NRG3: variants seen among roughly 807,000 people sequenced by gnomAD.
NRG3 encodes the protein pro-neuregulin-3, membrane-bound isoform.
A neutral mutation model predicts 66.9 loss-of-function variants in NRG3; 31 were observed. That is an observed-to-expected ratio of 0.46 (90% CI 0.35 to 0.63). The LOEUF is 0.63. Among genes scored for constraint, NRG3 ranks in the 20% least tolerant of loss-of-function variants. The pLI is 0.00. For missense variants in NRG3, 910 were observed against 878.9 expected, an observed-to-expected ratio of 1.04 and a Z score of -0.45; for synonymous variants, 393 against 359.4, an observed-to-expected ratio of 1.09 and a Z score of -1.06.
intron 2 of NRG3, among the ~76,000 whole-genome samples, chr10:82,494,180 G>A (rs1349491613): frequency 1.3e-5 from 2 of 152,178 alleles, no homozygotes; most frequent in African/African-American, 4.8e-5. Flanking sequence ...AGACAGTGTG[G>A]CGATTCCTCA....
intron 2 of NRG3, among the ~76,000 whole-genome samples, chr10:82,590,160 C>T (rs150405962): frequency 6.6e-6 from 1 of 152,250 alleles, no homozygotes; most frequent in African/African-American, 2.4e-5. Flanking sequence ...GTGAAGGAAA[C>T]CCAACCTCCA....
intron 1 of NRG3, among the ~76,000 whole-genome samples, chr10:82,019,688 T>C (rs372196766): frequency 1.3e-5 from 2 of 152,178 alleles, no homozygotes; most frequent in African/African-American, 4.8e-5. Flanking sequence ...GTCGAGGAAT[T>C]TATCCATTTC....
intron 2 of NRG3, among the ~76,000 whole-genome samples, chr10:82,646,768 G>T (rs545846471): frequency 1.3e-5 from 2 of 152,190 alleles, no homozygotes; most frequent in Non-Finnish European, 2.9e-5. Flanking sequence ...GGGGAGCAGA[G>T]ATCAGACCAT....
chr10:82,279,959 G>A (rs913188758), intron 1 of NRG3, among the ~76,000 whole-genome samples: 2 of 152,130 alleles, frequency 1.3e-5, no homozygotes, highest in Non-Finnish European at 2.9e-5. Flanking sequence ...ATAAATGAGA[G>A]ACCAATGGGA....
chr10:82,346,490 C>T (rs1242605369), intron 1 of NRG3, among the ~76,000 whole-genome samples: 2 of 150,882 alleles, frequency 1.3e-5, no homozygotes, highest in Non-Finnish European at 2.9e-5. Flanking sequence ...AGGATTTTTG[C>T]ATCAATGTTC....
At chr10:82,681,430 TAAA>T (rs1332343230) in intron 2 of NRG3, among the ~76,000 whole-genome samples, 3 of 152,182 alleles carry the variant, frequency 2.0e-5, no homozygotes, top group African/African-American at 7.2e-5. Context: ...TTCATAAAAT[TAAA>T]AAGTGCAGGA....
intron 1 of NRG3, among the ~76,000 whole-genome samples, chr10:82,019,432 C>T (rs867757515): frequency 7.9e-5 from 12 of 152,178 alleles, no homozygotes; most frequent in East Asian, 1.9e-4. Flanking sequence ...GCTTTGGTAT[C>T]AGGATGATGC....
intron 4 of NRG3, among the ~76,000 whole-genome samples, chr10:82,935,777 C>G (rs1232614443): frequency 6.6e-6 from 1 of 151,834 alleles, no homozygotes; most frequent in East Asian, 1.9e-4. Flanking sequence ...GTGCGTGCCA[C>G]CACGCCTGGA....
intron 1 of NRG3, among the ~76,000 whole-genome samples, chr10:82,222,192 AT>A (rs1258433654): frequency 6.6e-6 from 1 of 151,874 alleles, no homozygotes; most frequent in Admixed American, 6.6e-5. Flanking sequence ...TATAAAACAA[AT>A]TTCTTTTGTT....
At chr10:82,753,236 T>C (rs993255367) in intron 3 of NRG3, among the ~76,000 whole-genome samples, 6 of 152,176 alleles carry the variant, frequency 3.9e-5, no homozygotes, top group Admixed American at 2.0e-4. Context: ...TTTAATTCTT[T>C]TTATGATGAG....
chr10:82,027,927 G>T (rs1226680262), intron 1 of NRG3, among the ~76,000 whole-genome samples: 3 of 152,052 alleles, frequency 2.0e-5, no homozygotes, highest in African/African-American at 7.2e-5. Flanking sequence ...CTCAGATCCG[G>T]GTTGTGCAAG....
chr10:82,157,160 A>G (rs1325121014), intron 1 of NRG3, among the ~76,000 whole-genome samples: 1 of 151,734 alleles, frequency 6.6e-6, no homozygotes, highest in Non-Finnish European at 1.5e-5. Flanking sequence ...AGGGAAATGA[A>G]GTATATTTTC....
intron 1 of NRG3, among the ~76,000 whole-genome samples, chr10:82,030,028 A>C (rs2062490061): frequency 6.6e-6 from 1 of 152,134 alleles, no homozygotes; most frequent in African/African-American, 2.4e-5. Flanking sequence ...TACGAGTTGA[A>C]ATCGTAAGGG....
At chr10:82,087,940 T>C (rs1489809195) in intron 1 of NRG3, among the ~76,000 whole-genome samples, 1 of 151,988 alleles carries the variant, frequency 6.6e-6, no homozygotes, top group Non-Finnish European at 1.5e-5. Flanking sequence ...TTGAGGTATC[T>C]GAGAAAAAGA....
chr10:82,681,275 A>G lies in NRG3; in HGVS notation c.954-57302A>G, dbSNP rs1442930458. Among the ~76,000 whole-genome samples, 3 of 152,078 alleles carry G rather than the reference A, an allele frequency of 2.0e-5. No homozygotes were observed. The East Asian group carries it at 5.8e-4, about 29-fold the overall frequency. On this transcript the variant is annotated intron_variant, in intron 2 of 8. Transcript: ENST00000372141. ...ATTGACTGATTCTGTACAATTTACT[A>G]TATTTTCTGAAACTCAGTTTCCTCA...
At chr10:82,385,389 C>T (rs1257093804) in intron 2 of NRG3, among the ~76,000 whole-genome samples, 2 of 151,920 alleles carry the variant, frequency 1.3e-5, no homozygotes, top group Non-Finnish European at 2.9e-5. Flanking sequence ...TCAAGAATAA[C>T]AATAATAGCT....
intron 1 of NRG3, among the ~76,000 whole-genome samples, chr10:81,995,585 G>T (rs909971044): frequency 2.6e-5 from 4 of 152,204 alleles, no homozygotes; most frequent in Non-Finnish European, 5.9e-5. Context: ...TGATGGAAAA[G>T]GCTCCCTTGA....
intron 2 of NRG3, among the ~76,000 whole-genome samples, chr10:82,736,502 G>A (rs2058161466): frequency 6.6e-6 from 1 of 152,214 alleles, no homozygotes; most frequent in Non-Finnish European, 1.5e-5. Context: ...CAGCCCCTGG[G>A]GGGCTTCCTA....
At chr10:82,734,335 G>T (rs978930382) in intron 2 of NRG3, among the ~76,000 whole-genome samples, 2 of 152,162 alleles carry the variant, frequency 1.3e-5, no homozygotes, top group African/African-American at 4.8e-5. Flanking sequence ...GTCAAGAGTA[G>T]AAATAGTGAT....
Sources: allele counts gnomAD v4.1 joint callset (sites outside exome capture counted in the v4.1 genomes callset), GRCh38; gene constraint gnomAD v4.1.1; transcripts MANE v1.5; gene names NCBI Gene and HGNC (gene_info 2026-07-23, HGNC 2026-07-21).